Variants in IMPDH1 observed in about 807,000 individuals in gnomAD.
IMPDH1 encodes inosine monophosphate dehydrogenase 1.
Under a neutral mutation model 73.5 loss-of-function variants are expected in IMPDH1, and 41 were observed. That is an observed-to-expected ratio of 0.56 (90% CI 0.43 to 0.72). IMPDH1 has a LOEUF of 0.72. Ranked by LOEUF, IMPDH1 falls within the 30% of genes least tolerant of loss-of-function variation. IMPDH1 has a pLI of 0.00. For missense variants in IMPDH1, 645 were observed against 824.8 expected (o/e 0.78, Z 2.67); for synonymous variants, 318 against 334.3 (o/e 0.95, Z 0.53).
chr7:128,400,556 G>A lies in IMPDH1; in HGVS notation c.580-17C>T, dbSNP rs771256491. 35 of 1,606,196 alleles carry A rather than the reference G, an allele frequency of 2.2e-5. No individual in the cohort carries two copies. Among genetic ancestry groups the A allele is most frequent in the Non-Finnish European group, 3.0e-5 (35 of 1,175,822 alleles). ...TTCAAACTTCTGCGGGCAGAGATGG[G>A]GGAGGAAAAGGCTGGAAGAAAGCCA... On this transcript the variant is annotated splice_polypyrimidine_tract_variant and intron_variant, in intron 7 of 16. Coordinates refer to ENST00000338791, the MANE Select transcript of IMPDH1 (RefSeq NM_000883.4).
chr7:128,409,712 C>T, intron 1 of IMPDH1, 44 bp downstream of exon 1: 4 of 1,523,790 alleles, frequency 2.6e-6, no homozygotes, highest in Non-Finnish European at 2.6e-6. Context: ...CCTCCTCGGC[C>T]GCCCGCCCCG....
chr7:128,392,873 C>A lies in IMPDH1; in HGVS notation c.*134G>T. 1.2e-6 allele frequency: 1 copy of A among 868,646 alleles called. No homozygotes were observed. Among genetic ancestry groups the A allele is most frequent in the South Asian group, 1.5e-5 (1 of 68,274 alleles). 53.8% of individuals were successfully genotyped at this position (868,646 alleles called of 1,614,324 possible). A position where few individuals can be genotyped will look rare whatever the true frequency, so the allele number is the denominator to read the frequency against. ...GGCAGCAGTCCCCTCAGGACCTCCC[C>A]TCCTCTCTGCCTGGAAAGGAGCTGG... is the stretch of plus-strand genomic sequence containing the variant. On this transcript the variant is annotated 3_prime_UTR_variant, in exon 17 of 17. Coordinates refer to ENST00000338791, the MANE Select transcript of IMPDH1 (RefSeq NM_000883.4).
intron 3 of IMPDH1, among the ~76,000 whole-genome samples, chr7:128,406,307 C>CA (rs1369048446): frequency 1.7e-5 from 2 of 120,712 alleles, no homozygotes; most frequent in African/African-American, 6.1e-5. Flanking sequence ...CCCCACACCC[C>CA]CCACCCCCCC....
At chr7:128,405,365 C>T (rs1197440436) in intron 4 of IMPDH1, among the ~76,000 whole-genome samples, 9 of 152,216 alleles carry the variant, frequency 5.9e-5, no homozygotes, top group Non-Finnish European at 1.5e-5. Context: ...TGGGGCCATG[C>T]GGAAGCGGCT....
chr7:128,402,322 C>CA (rs1244401796), intron 5 of IMPDH1, among the ~76,000 whole-genome samples: 2 of 152,226 alleles, frequency 1.3e-5, no homozygotes, highest in Admixed American at 1.3e-4. Flanking sequence ...AGGCTGGTCT[C>CA]AAACTCCTGA....
rs759584097 is a variant in IMPDH1 at position 128,400,489 on chromosome 7, G to A, written c.630C>T (p.His210=). The A allele has an allele frequency of 5.0e-6, 8 of 1,612,838 alleles. No homozygotes were observed. Among genetic ancestry groups the A allele is most frequent in the African/African-American group, 1.3e-5 (1 of 75,052 alleles). ...ITDPVVLSPS[H]TVGDVLEAKM... ...TGGCCTCCAGCACATCGCCCACAGT[G>A]TGCGAGGGGCTCAGCACCACAGGGT... Residue 210 remains histidine (H), a synonymous_variant, in exon 8 of 17, where the codon CAC becomes CAT. Transcript: ENST00000338791.
intron 3 of IMPDH1, among the ~76,000 whole-genome samples, chr7:128,408,591 G>A (rs943118064): frequency 1.3e-5 from 2 of 151,948 alleles, no homozygotes; most frequent in African/African-American, 2.4e-5. Flanking sequence ...GGGGGTGGGG[G>A]TAGGGATGGC....
Position 128,396,558 on chromosome 7 carries a change from G to T in IMPDH1, c.1261+42C>A. 1 of 1,396,032 alleles carries T rather than the reference G, an allele frequency of 7.2e-7. No individual in the cohort carries two copies. The highest frequency in any genetic ancestry group is 9.9e-7 in the Non-Finnish European group (1 of 1,006,822). The allele number at this position is 1,396,032 out of a possible 1,614,324, so 86.5% of individuals were successfully genotyped here. A position where few individuals can be genotyped will look rare whatever the true frequency, so the allele number is the denominator to read the frequency against. On this transcript the variant is annotated intron_variant, in intron 12 of 16. Coordinates refer to ENST00000338791, the MANE Select transcript of IMPDH1 (RefSeq NM_000883.4). This position sits in a 1 kb window ranked among gnomAD's most constrained non-coding sequence, Gnocchi z 4.0. ...TATACATCTGGGGAACAAAGGCGAGGCCCCGGGGCCAGCGGGCACTCGCTC... is the reference window on the plus strand; with the variant it reads ...TATACATCTGGGGAACAAAGGCGAGTCCCCGGGGCCAGCGGGCACTCGCTC...
Position 128,396,788 on chromosome 7 carries a change from AC to A in IMPDH1, c.1166-94del. 3 of 1,237,938 alleles carry A rather than the reference AC, an allele frequency of 2.4e-6. No homozygotes were observed. The highest frequency in any genetic ancestry group is 3.5e-6 in the Non-Finnish European group (3 of 865,940). The allele number at this position is 1,237,938 out of a possible 1,614,324, so 76.7% of individuals were successfully genotyped here. A position where few individuals can be genotyped will look rare whatever the true frequency, so the allele number is the denominator to read the frequency against. ...TGGGACCCCAGTCTAGCACCCCCCA[AC>A]CCCCCTACAGTGACCAAAGCCCATC... On this transcript the variant is annotated intron_variant, in intron 11 of 16. Coordinates refer to ENST00000338791, the MANE Select transcript of IMPDH1 (RefSeq NM_000883.4). This position sits in a 1 kb window ranked among gnomAD's most constrained non-coding sequence, Gnocchi z 4.0.
At position 128,394,373 on chromosome 7, in the gene IMPDH1, G is replaced by A. The variant is rs1797755066; in HGVS notation, c.1695-12C>T. ...AGTACATCATGGACCTAGGAGGAAG[G>A]TAGGTGGAGCAGATCAGGGCCACCA... On this transcript the variant is annotated splice_polypyrimidine_tract_variant and intron_variant, in intron 15 of 16. Transcript: ENST00000338791. The surrounding 1 kb of genome is among the most constrained non-coding windows in gnomAD (Gnocchi z 5.5). 6.2e-7 allele frequency: 1 copy of A among 1,613,656 alleles called. No homozygotes were observed. The highest frequency in any genetic ancestry group is 8.5e-7 in the Non-Finnish European group (1 of 1,179,692).
Position 128,398,300 on chromosome 7 carries a change from A to T in IMPDH1, c.1074+114T>A, listed in dbSNP as rs918917181. ...CAGGGAGCACTCAGAAAGAGAGAGGAAGAGTAGCAAGGGAGGGGCACAGGC... is the reference window on the plus strand; with the variant it reads ...CAGGGAGCACTCAGAAAGAGAGAGGTAGAGTAGCAAGGGAGGGGCACAGGC... On this transcript the variant is annotated intron_variant, in intron 10 of 16. Coordinates refer to ENST00000338791, the MANE Select transcript of IMPDH1 (RefSeq NM_000883.4). This position sits in a 1 kb window ranked among gnomAD's most constrained non-coding sequence, Gnocchi z 4.3. The T allele has an allele frequency of 1.3e-6, 1 of 795,222 alleles. No individual in the cohort carries two copies. Among genetic ancestry groups the T allele is most frequent in the Admixed American group, 2.2e-5 (1 of 45,366 alleles). The allele number at this position is 795,222 out of a possible 1,614,324, so 49.3% of individuals were successfully genotyped here.
In IMPDH1 at chr7:128,395,001, C is replaced by T; in HGVS notation, c.1438G>A (p.Glu480Lys). 1.9e-6 allele frequency: 3 copies of T among 1,614,058 alleles called. No individual in the cohort carries two copies. The highest frequency in any genetic ancestry group is 2.5e-6 in the Non-Finnish European group (3 of 1,180,036). The change falls in exon 14 of 17, where the codon GAG becomes AAG. Residue 480 changes from glutamate (E) to lysine (K), a missense_variant. Glu to Lys is a moderately conservative substitution (Grantham distance 56). Around this residue, in one of 2 missense-constraint regions of IMPDH1, gnomAD observed 459 missense variants for 638.2 expected, o/e 0.72. Transcript: ENST00000338791. Reference sequence around the variant, plus strand: ...GAGAAGAAGTACTCGCCAGGGGCCTCCGTAGTGGCGGCCAGCAGGGAGCCC... The same window carrying T: ...GAGAAGAAGTACTCGCCAGGGGCCTTCGTAGTGGCGGCCAGCAGGGAGCCC... ...MMGSLLAATT[E>K]APGEYFFSDG...
Position 128,396,540 on chromosome 7 carries a change from C to A in IMPDH1, c.1261+60G>T. 8.0e-7 allele frequency: 1 copy of A among 1,245,400 alleles called. No individual in the cohort carries two copies. The highest frequency in any genetic ancestry group is 1.2e-6 in the Non-Finnish European group (1 of 869,520). The allele number at this position is 1,245,400 out of a possible 1,614,324, so 77.1% of individuals were successfully genotyped here. ...GGCAGAGAGAGTACTTGATATACAT[C>A]TGGGGAACAAAGGCGAGGCCCCGGG... On this transcript the variant is annotated intron_variant, in intron 12 of 16. Transcript: ENST00000338791. The surrounding 1 kb of genome is among the most constrained non-coding windows in gnomAD (Gnocchi z 4.0).
At chr7:128,405,706 C>G in intron 4 of IMPDH1, 61 bp downstream of exon 4, 1 of 1,503,438 alleles carries the variant, frequency 6.7e-7, no homozygotes, top group Non-Finnish European at 8.9e-7. Flanking sequence ...ACGTGCAGGG[C>G]CGGCCCGGGG....
chr7:128,401,603 G>A (rs142832184), intron 5 of IMPDH1, among the ~76,000 whole-genome samples: 138 of 152,314 alleles, frequency 9.1e-4, no homozygotes, highest in African/African-American at 3.1e-3. Flanking sequence ...ACCACGGACA[G>A]AAGCTCAGAT....
chr7:128,400,509 C>T lies in IMPDH1; in HGVS notation c.610G>A (p.Val204Met). The change falls in exon 8 of 17, where the codon GTG (valine) becomes ATG (methionine). Residue 204 changes from valine (V) to methionine (M), a missense_variant. Transcript: ENST00000338791. ...KFEQGFITDP[V>M]VLSPSHTVGD... ...ACAGTGTGCGAGGGGCTCAGCACCACAGGGTCCGTGATGAAGCCCTGTTCA... is the reference window on the plus strand; with the variant it reads ...ACAGTGTGCGAGGGGCTCAGCACCATAGGGTCCGTGATGAAGCCCTGTTCA... The T allele has an allele frequency of 1.9e-6, 3 of 1,612,956 alleles. No individual in the cohort carries two copies. The highest frequency in any genetic ancestry group is 2.5e-6 in the Non-Finnish European group (3 of 1,179,974).
Position 128,396,876 on chromosome 7 carries a change from AG to A in IMPDH1, c.1165+55del. The A allele has an allele frequency of 1.5e-6, 2 of 1,329,034 alleles. No homozygotes were observed. Among genetic ancestry groups the A allele is most frequent in the South Asian group, 1.2e-5 (1 of 85,242 alleles). The allele number at this position is 1,329,034 out of a possible 1,614,324, so 82.3% of individuals were successfully genotyped here. A position where few individuals can be genotyped will look rare whatever the true frequency, so the allele number is the denominator to read the frequency against. ...ACCTAGGGATGCTGAAGGACAGAAA[AG>A]GGTTACTCATTGGAGGGGCAGGAGC... On this transcript the variant is annotated intron_variant, in intron 11 of 16. Transcript: ENST00000338791. This position sits in a 1 kb window ranked among gnomAD's most constrained non-coding sequence, Gnocchi z 4.0.
At chr7:128,400,926 C>G in intron 6 of IMPDH1, 35 bp from the exon 7 acceptor site, 1 of 1,603,810 alleles carries the variant, frequency 6.2e-7, no homozygotes, top group South Asian at 1.1e-5. Context: ...AGAGCCGGGG[C>G]CCATTCCTCC....
At chr7:128,401,640 G>T (rs545859209) in intron 5 of IMPDH1, among the ~76,000 whole-genome samples, 106 of 152,318 alleles carry the variant, frequency 7.0e-4, no homozygotes, top group African/African-American at 2.5e-3. Flanking sequence ...CCACTGGAGG[G>T]TCTTGACAGA....
Sources: gnomAD v4.1 joint callset for allele counts (sites outside exome capture counted in the v4.1 genomes callset) on GRCh38, gnomAD v4.1.1 for gene constraint, gnomAD v4.1.1 regional missense constraint, Gnocchi (gnomAD v3.1) non-coding constraint, MANE v1.5 for transcripts, NCBI Gene and HGNC (gene_info 2026-07-23, HGNC 2026-07-21) for gene names.